Variants in CCBE1 observed in about 807,000 individuals in gnomAD.
CCBE1 encodes collagen and calcium binding EGF domains 1.
A neutral mutation model predicts 50.0 loss-of-function variants in CCBE1; 37 were observed. The observed-to-expected ratio is 0.74, with a 90% CI of 0.57 to 0.97. The LOEUF is 0.97. Ranked by LOEUF, CCBE1 falls within the 50% of genes least tolerant of loss-of-function variation. The probability of loss-of-function intolerance (pLI) is 0.00; values close to 1 mark genes in which losing one functional copy is unlikely to be tolerated. For synonymous variants in CCBE1, 234 were observed against 203.7 expected (o/e 1.15, Z -1.27); for missense variants, 538 against 523.8 (o/e 1.03, Z -0.26).
intron 2 of CCBE1, among the ~76,000 whole-genome samples, chr18:59,559,399 G>A (rs2052701090): frequency 6.6e-6 from 1 of 152,192 alleles, no homozygotes; most frequent in Non-Finnish European, 1.5e-5. Flanking sequence ...TGGACCCAGA[G>A]GCCCCCTACT....
intron 2 of CCBE1, among the ~76,000 whole-genome samples, chr18:59,564,873 T>C (rs556034802): frequency 6.6e-6 from 1 of 152,270 alleles, no homozygotes; most frequent in South Asian, 2.1e-4. Flanking sequence ...AAAGAATAGA[T>C]CTAGGAGGGA....
chr18:59,574,748 T>TG (rs1009951571), intron 2 of CCBE1, among the ~76,000 whole-genome samples: 15 of 152,312 alleles, frequency 9.8e-5, no homozygotes, highest in Non-Finnish European at 2.1e-4. Context: ...TGTGTTTGCC[T>TG]GGGGTGAGGA....
At chr18:59,547,041 G>GGGGGACAGAGGGGGAGAGA in intron 2 of CCBE1, among the ~76,000 whole-genome samples, 1 of 80,134 alleles carries the variant, frequency 1.2e-5, no homozygotes, top group Non-Finnish European at 2.6e-5. Context: ...GAGAAAGAGA[G>GGGGGACAGAGGGGGAGAGA]GGGGAGAGAG....
At chr18:59,672,854 G>C (rs542006157) in intron 2 of CCBE1, among the ~76,000 whole-genome samples, 2 of 152,174 alleles carry the variant, frequency 1.3e-5, no homozygotes, top group South Asian at 2.1e-4. Flanking sequence ...CTGCGGTGGG[G>C]GGAAGGGTGG....
intron 2 of CCBE1, among the ~76,000 whole-genome samples, chr18:59,648,312 GATAC>G (rs2054082190): frequency 6.6e-6 from 1 of 152,340 alleles, no homozygotes; most frequent in Non-Finnish European, 1.5e-5. Context: ...TAAAGACCTG[GATAC>G]ATAAATGCTT....
At chr18:59,551,540 T>C (rs1915930563) in intron 2 of CCBE1, among the ~76,000 whole-genome samples, 1 of 152,208 alleles carries the variant, frequency 6.6e-6, no homozygotes, top group African/African-American at 2.4e-5. Flanking sequence ...AGGAATTTTT[T>C]CAGCTACATT....
intron 4 of CCBE1, among the ~76,000 whole-genome samples, chr18:59,467,501 C>T (rs1488676034): frequency 1.3e-5 from 2 of 152,170 alleles, no homozygotes; most frequent in African/African-American, 2.4e-5. Context: ...ATTTCTGCCT[C>T]ATCAAGAACC....
At chr18:59,607,117 A>G (rs1489011675) in intron 2 of CCBE1, among the ~76,000 whole-genome samples, 1 of 152,120 alleles carries the variant, frequency 6.6e-6, no homozygotes, top group Non-Finnish European at 1.5e-5. Flanking sequence ...CAATCAAAGG[A>G]AAGCATGGTA....
intron 2 of CCBE1, among the ~76,000 whole-genome samples, chr18:59,580,539 A>G (rs1415717261): frequency 6.6e-6 from 1 of 152,222 alleles, no homozygotes; most frequent in Non-Finnish European, 1.5e-5. Flanking sequence ...CTTGTCTCAG[A>G]TATTCAGGGA....
chr18:59,478,478 A>G (rs1481399277), intron 3 of CCBE1, among the ~76,000 whole-genome samples: 2 of 152,260 alleles, frequency 1.3e-5, no homozygotes, highest in Non-Finnish European at 2.9e-5. Context: ...TGTTCTAGCA[A>G]AAAGCAACAG....
chr18:59,552,935 A>T (rs983727670), intron 2 of CCBE1, among the ~76,000 whole-genome samples: 1 of 152,186 alleles, frequency 6.6e-6, no homozygotes, highest in Admixed American at 6.5e-5. Context: ...CCATACAAAG[A>T]TATAAAACAG....
intron 2 of CCBE1, among the ~76,000 whole-genome samples, chr18:59,574,052 C>T (rs546463751): frequency 5.1e-4 from 77 of 152,238 alleles, no homozygotes; most frequent in Middle Eastern, 3.4e-3. Flanking sequence ...ATCTGTGCTA[C>T]GAGGCATAAA....
At chr18:59,514,360 G>A (rs1185379122) in intron 2 of CCBE1, among the ~76,000 whole-genome samples, 2 of 152,036 alleles carry the variant, frequency 1.3e-5, no homozygotes, top group African/African-American at 2.4e-5. Flanking sequence ...CCATCCGCAC[G>A]TGGCCCTCCC....
chr18:59,529,098 C>T (rs150964004), intron 2 of CCBE1, among the ~76,000 whole-genome samples: 34 of 152,328 alleles, frequency 2.2e-4, no homozygotes, highest in Non-Finnish European at 4.1e-4. Flanking sequence ...ACAAAGACCA[C>T]GGCTGTTCCT....
At chr18:59,505,102 A>T (rs1398011372) in intron 2 of CCBE1, among the ~76,000 whole-genome samples, 2 of 152,190 alleles carry the variant, frequency 1.3e-5, no homozygotes, top group Non-Finnish European at 2.9e-5. Context: ...TAAGCTTCCA[A>T]CTCTAAAATT....
intron 2 of CCBE1, among the ~76,000 whole-genome samples, chr18:59,600,640 C>T (rs970036368): frequency 1.1e-4 from 17 of 152,064 alleles, no homozygotes; most frequent in African/African-American, 3.9e-4. Flanking sequence ...TAGCAAAGGT[C>T]CTCCATGCCA....
intron 6 of CCBE1, among the ~76,000 whole-genome samples, chr18:59,452,857 C>G (rs755602055): frequency 2.8e-4 from 42 of 152,166 alleles, no homozygotes; most frequent in Non-Finnish European, 5.3e-4. Flanking sequence ...TCTACATTAG[C>G]TTGGGATTGC....
At chr18:59,678,971 A>G (rs911527124) in intron 2 of CCBE1, among the ~76,000 whole-genome samples, 2 of 152,266 alleles carry the variant, frequency 1.3e-5, no homozygotes, top group African/African-American at 2.4e-5. Flanking sequence ...AAATATACAT[A>G]TAAAAATAAA....
rs191133370 is a variant in CCBE1 at position 59,535,203 on chromosome 18, G to A, written c.213-54965C>T. On this transcript the variant is annotated intron_variant, in intron 2 of 10. Coordinates refer to ENST00000439986, the MANE Select transcript of CCBE1 (RefSeq NM_133459.4). ...AAGCCTTGATGCTGGAAAGATAAAC[G>A]TTGAGACTGTCAACGCTGGTGAGCT... is the stretch of plus-strand genomic sequence containing the variant. 5.3e-4 allele frequency among the ~76,000 whole-genome samples: 81 copies of A among 152,298 alleles called. 1 individual carries two copies. In the South Asian group the frequency reaches 5.6e-3, roughly 11 times the overall value.
Sources: gnomAD v4.1 joint callset for allele counts (sites outside exome capture counted in the v4.1 genomes callset) on GRCh38, gnomAD v4.1.1 for gene constraint, MANE v1.5 for transcripts, NCBI Gene and HGNC (gene_info 2026-07-23, HGNC 2026-07-21) for gene names.